The following FILIP1 variants were observed in gnomAD, a reference collection of about 807,000 sequenced individuals.
FILIP1 encodes filamin A interacting protein 1.
FILIP1 carries 61 observed loss-of-function variants against 102.1 expected under a neutral mutation model. That is an observed-to-expected ratio of 0.60 (90% CI 0.49 to 0.74). The LOEUF (loss-of-function observed/expected upper bound fraction) is 0.74, where lower values mean the gene tolerates loss of function less well. FILIP1 is among the 30% of genes least tolerant of loss of function. The probability of loss-of-function intolerance (pLI) is 0.00; values close to 1 mark genes in which losing one functional copy is unlikely to be tolerated. For missense variants in FILIP1, 1,314 were observed against 1,441.2 expected (o/e 0.91, Z 1.43); for synonymous variants, 491 against 526.9 (o/e 0.93, Z 0.93).
chr6:75,319,733 G>A lies in FILIP1; in HGVS notation c.630-4531C>T, dbSNP rs371022443. ...TAGTCCCAGCTACTGCGGAGGCTGA[G>A]GCAGGATAATTGTGTGAACCCGGGG... On this transcript the variant is annotated intron_variant, in intron 4 of 5. Transcript: ENST00000237172. 4.0e-5 allele frequency: 13 copies of A among 323,190 alleles called. No homozygotes were observed. In the East Asian group the frequency reaches 5.9e-4, roughly 15 times the overall value. 20.0% of individuals were successfully genotyped at this position (323,190 alleles called of 1,614,324 possible).
chr6:75,372,677 GAAA>G (rs1562514651), intron 2 of FILIP1, among the ~76,000 whole-genome samples: 20 of 51,312 alleles, frequency 3.9e-4, no homozygotes, highest in African/African-American at 2.3e-3. Context: ...AAGAAAGAAA[GAAA>G]GAAAGAGAAA....
At chr6:75,445,541 C>G (rs1206226347) in intron 1 of FILIP1, among the ~76,000 whole-genome samples, 1 of 152,126 alleles carries the variant, frequency 6.6e-6, no homozygotes, top group Non-Finnish European at 1.5e-5. Context: ...TCCTTGAACA[C>G]TGATTCACAT....
At chr6:75,360,051 G>T (rs891957574) in intron 3 of FILIP1, among the ~76,000 whole-genome samples, 2 of 152,142 alleles carry the variant, frequency 1.3e-5, no homozygotes, top group African/African-American at 4.8e-5. Context: ...CTGCAGACAG[G>T]CTCCACCTAA....
At position 75,308,263 on chromosome 6, in the gene FILIP1, G is replaced by T. The variant is rs1285685497; in HGVS notation, c.*428C>A. The T allele has an allele frequency of 2.0e-6, 2 of 989,900 alleles. No homozygotes were observed. The highest frequency in any genetic ancestry group is 2.4e-6 in the Non-Finnish European group (2 of 831,186). 61.3% of individuals were successfully genotyped at this position (989,900 alleles called of 1,614,324 possible). ...AAAGAGGCAAATGACAATAGTTAAA[G>T]TATGTCTTATTTTGTAATAGGATTT... On this transcript the variant is annotated 3_prime_UTR_variant, in exon 6 of 6. Transcript: ENST00000237172.
intron 2 of FILIP1, among the ~76,000 whole-genome samples, chr6:75,377,794 T>A (rs1174581366): frequency 6.6e-6 from 1 of 152,230 alleles, no homozygotes; most frequent in African/African-American, 2.4e-5. Context: ...AAAAGCTACC[T>A]TTTTGCCCTT....
At chr6:75,307,194 C>T (rs898182038), downstream of FILIP1, among the ~76,000 whole-genome samples, 3 of 152,164 alleles carry the variant, frequency 2.0e-5, no homozygotes, top group Non-Finnish European at 4.4e-5. Context: ...GAGGCATCTA[C>T]ATCTACCACC....
intron 1 of FILIP1, among the ~76,000 whole-genome samples, chr6:75,422,006 T>G (rs1777485775): frequency 6.6e-6 from 1 of 152,078 alleles, no homozygotes; most frequent in Non-Finnish European, 1.5e-5. Flanking sequence ...TATAACAGGG[T>G]TTTTAACTTT....
rs143331565 is a variant in FILIP1 at position 75,308,760 on chromosome 6, C to G, written c.3573G>C (p.Gln1191His). The G allele has an allele frequency of 6.2e-7, 1 of 1,613,944 alleles. No homozygotes were observed. The highest frequency in any genetic ancestry group is 1.3e-5 in the African/African-American group (1 of 74,898). Reference sequence around the variant, plus strand: ...ATTTCTTCAGCTCTATTTTCATAGACTGAGTCTCAGCTCGAGGCTCGAATT... The same window carrying G: ...ATTTCTTCAGCTCTATTTTCATAGAGTGAGTCTCAGCTCGAGGCTCGAATT... ...LTKFEPRAET[Q>H]SMKIELKKSA... The change falls in exon 6 of 6, where the codon CAG (glutamine) becomes CAC (histidine). Residue 1191 changes from glutamine to histidine, a missense_variant. Gln to His is a conservative substitution (Grantham distance 24, BLOSUM62 0). Transcript: ENST00000237172.
intron 4 of FILIP1, among the ~76,000 whole-genome samples, chr6:75,316,925 A>G (rs866677610): frequency 6.6e-6 from 1 of 152,248 alleles, no homozygotes; most frequent in Admixed American, 6.5e-5. Context: ...TATTTTCAAC[A>G]TAAAATACCA....
chr6:75,377,309 T>C (rs545731681), intron 2 of FILIP1, among the ~76,000 whole-genome samples: 67 of 152,344 alleles, frequency 4.4e-4, no homozygotes, highest in African/African-American at 1.5e-3. Context: ...GGGCAATATT[T>C]GGCCTTACAA....
intron 3 of FILIP1, among the ~76,000 whole-genome samples, chr6:75,362,514 G>A (rs1775201422): frequency 6.6e-6 from 1 of 152,194 alleles, no homozygotes; most frequent in East Asian, 1.9e-4. Flanking sequence ...AGAACCACAT[G>A]GAAAAATATA....
chr6:75,319,498 T>G, intron 4 of FILIP1: 2 of 590,276 alleles, frequency 3.4e-6, no homozygotes, highest in Admixed American at 3.8e-5. Context: ...TTCCTTTCTC[T>G]TCAGCAGACA....
At chr6:75,453,773 G>A (rs1204100798) in intron 1 of FILIP1, among the ~76,000 whole-genome samples, 1 of 152,128 alleles carries the variant, frequency 6.6e-6, no homozygotes, top group Non-Finnish European at 1.5e-5. Flanking sequence ...GAACAGGCCA[G>A]AGCACTCTGG....
intron 4 of FILIP1, among the ~76,000 whole-genome samples, chr6:75,331,011 T>C (rs1774061415): frequency 1.3e-5 from 2 of 152,186 alleles, no homozygotes; most frequent in Admixed American, 1.3e-4. Context: ...TCATGACTAA[T>C]AACAAATTAT....
At chr6:75,370,514 G>A (rs1440847522) in intron 2 of FILIP1, among the ~76,000 whole-genome samples, 1 of 148,304 alleles carries the variant, frequency 6.7e-6, no homozygotes, top group African/African-American at 2.5e-5. Context: ...ATTACATTTT[G>A]TCAACCTCTT....
intron 3 of FILIP1, among the ~76,000 whole-genome samples, chr6:75,356,448 A>G (rs1206482182): frequency 6.6e-6 from 1 of 151,210 alleles, no homozygotes; most frequent in Non-Finnish European, 1.5e-5. Context: ...GTATTTTTAC[A>G]TCTTCTAATA....
At chr6:75,454,007 A>T (rs540683214) in intron 1 of FILIP1, 2 of 456,534 alleles carry the variant, frequency 4.4e-6, no homozygotes, top group Non-Finnish European at 8.8e-6. Context: ...TTAAAACAAC[A>T]TCCATTTATT....
chr6:75,362,420 A>G (rs1306814484), intron 3 of FILIP1, among the ~76,000 whole-genome samples: 1 of 152,252 alleles, frequency 6.6e-6, no homozygotes, highest in African/African-American at 2.4e-5. Context: ...CTCAATGTTA[A>G]AACTGGCAAG....
intron 5 of FILIP1, among the ~76,000 whole-genome samples, chr6:75,310,018 A>C (rs1237627276): frequency 6.6e-6 from 1 of 152,146 alleles, no homozygotes; most frequent in Non-Finnish European, 1.5e-5. Flanking sequence ...ATAAATATCA[A>C]TTTCATAATG....
Sources: allele counts gnomAD v4.1 joint callset (sites outside exome capture counted in the v4.1 genomes callset), GRCh38; gene constraint gnomAD v4.1.1; transcripts MANE v1.5; gene names NCBI Gene and HGNC (gene_info 2026-07-23, HGNC 2026-07-21).